The following A1CF variants were observed in gnomAD, a reference collection of about 807,000 sequenced individuals.
A1CF encodes APOBEC1 complementation factor, also known as APOBEC-1 stimulating protein.
A1CF carries 48 observed loss-of-function variants against 68.9 expected under a neutral mutation model. The ratio of observed to expected loss-of-function variants is 0.70; its 90% CI spans 0.55 to 0.89. The LOEUF is 0.89. Ranked by LOEUF, A1CF falls within the 40% of genes least tolerant of loss-of-function variation. A1CF has a pLI of 0.00. For missense variants in A1CF, 653 were observed against 718.9 expected (o/e 0.91, Z 1.05); for synonymous variants, 272 against 260.4 (o/e 1.04, Z -0.43).
intron 3 of A1CF, among the ~76,000 whole-genome samples, chr10:50,852,243 A>G (rs1475334839): frequency 2.0e-5 from 3 of 152,182 alleles, no homozygotes; most frequent in African/African-American, 7.2e-5. Context: ...TATAGTCAAC[A>G]CCCTATGAGG....
intron 3 of A1CF, among the ~76,000 whole-genome samples, chr10:50,844,693 T>C (rs1403841337): frequency 6.6e-6 from 1 of 152,166 alleles, no homozygotes; most frequent in Admixed American, 6.6e-5. Context: ...TATAAAATGA[T>C]ACAAGTTGTG....
rs1269361095 is a variant in A1CF at position 50,811,766 on chromosome 10, T to G, written c.1324-590A>C. Among the ~76,000 whole-genome samples the G allele has an allele frequency of 3.3e-5, 5 of 152,224 alleles. 1 individual carries two copies. The South Asian group carries it at 6.2e-4, about 19-fold the overall frequency. On this transcript the variant is annotated intron_variant, in intron 10 of 12. Transcript: ENST00000373997. ...GCCTTTTTTGTTTGTTTGTTTGTTT[T>G]TTTGCTTAATGACAATATGCTTTTT...
At position 50,811,076 on chromosome 10, in the gene A1CF, A is replaced by C; in HGVS notation, c.1424T>G (p.Ile475Arg). 1 of 1,613,600 alleles carries C rather than the reference A, an allele frequency of 6.2e-7. No individual in the cohort carries two copies. The highest frequency in any genetic ancestry group is 8.5e-7 in the Non-Finnish European group (1 of 1,179,692). The change falls in exon 11 of 13, where the codon ATA becomes AGA. Residue 475 changes from isoleucine to arginine, a missense_variant. By Grantham distance (97) the Ile-to-Arg change is moderately conservative. Coordinates refer to ENST00000373997, the MANE Select transcript of A1CF (RefSeq NM_014576.4). ...CTGGCTGGCTAGAGCAGGAATAGTTATTTTGTACAAGAATAGCTGTCTTTG... is the reference window on the plus strand; with the variant it reads ...CTGGCTGGCTAGAGCAGGAATAGTTCTTTTGTACAAGAATAGCTGTCTTTG... ...QDQRQLFLYKITIPALASQNP... is the reference protein window; with the variant it reads ...QDQRQLFLYKRTIPALASQNP...
At position 50,803,617 on chromosome 10, in the gene A1CF, A is replaced by G. The variant is rs982696931; in HGVS notation, c.*3112T>C. 2 of 152,212 alleles carry G rather than the reference A, an allele frequency of 1.3e-5. No individual in the cohort carries two copies. Among genetic ancestry groups the G allele is most frequent in the Non-Finnish European group, 1.5e-5 (1 of 68,036 alleles). 9.4% of individuals were successfully genotyped at this position (152,212 alleles called of 1,614,324 possible). On this transcript the variant is annotated 3_prime_UTR_variant, in exon 13 of 13. Transcript: ENST00000373997. ...CAATTTGAGAAGAGGCAGCACTTTT[A>G]TAGGAAAGAAAATAGATACCCAATC... is the stretch of plus-strand genomic sequence containing the variant.
chr10:50,818,226 A>C (rs1838464440), intron 8 of A1CF, among the ~76,000 whole-genome samples: 1 of 152,162 alleles, frequency 6.6e-6, no homozygotes, highest in Non-Finnish European at 1.5e-5. Flanking sequence ...ACCTGTATTA[A>C]AAAGTCAGTT....
chr10:50,859,979 T>G lies in A1CF; in HGVS notation c.-39A>C. On this transcript the variant is annotated 5_prime_UTR_variant, in exon 3 of 13. Coordinates refer to ENST00000373997, the MANE Select transcript of A1CF (RefSeq NM_014576.4). ...CAGCAAAAAATCAGGTTAATTAGGG[T>G]TGCTCACTGAAACCAAATTTAAGAT... 6.4e-7 allele frequency: 1 copy of G among 1,565,330 alleles called. No individual in the cohort carries two copies.
intron 7 of A1CF, among the ~76,000 whole-genome samples, chr10:50,826,581 T>G (rs1022846010): frequency 6.6e-6 from 1 of 152,134 alleles, no homozygotes; most frequent in South Asian, 2.1e-4. Flanking sequence ...AAGCAAATTC[T>G]GAGAGATTTT....
rs569231916 is a variant in A1CF at position 50,823,268 on chromosome 10, G to A, written c.770-2619C>T. On this transcript the variant is annotated intron_variant, in intron 7 of 12. Transcript: ENST00000373997. Reference sequence around the variant, plus strand: ...TTCTCTACAATAGTATTCACCACATGGCTTATTTTATTATGTTTCTTCTTT... The same window carrying A: ...TTCTCTACAATAGTATTCACCACATAGCTTATTTTATTATGTTTCTTCTTT... Among the ~76,000 whole-genome samples the A allele has an allele frequency of 7.2e-5, 11 of 152,140 alleles. No individual in the cohort carries two copies. In the South Asian group the frequency reaches 2.3e-3, roughly 32 times the overall value.
chr10:50,868,498 A>T (rs1841098597), intron 1 of A1CF, among the ~76,000 whole-genome samples: 1 of 152,216 alleles, frequency 6.6e-6, no homozygotes, highest in Non-Finnish European at 1.5e-5. Flanking sequence ...AGCCATGAAG[A>T]CATCACAAAA....
At chr10:50,861,279 TAA>T (rs1209231857) in intron 2 of A1CF, among the ~76,000 whole-genome samples, 2 of 150,930 alleles carry the variant, frequency 1.3e-5, no homozygotes, top group South Asian at 2.1e-4. Context: ...GCAATATTAC[TAA>T]GACTACCTAC....
chr10:50,883,632 G>C (rs1015853702), intron 1 of A1CF, among the ~76,000 whole-genome samples: 1 of 152,178 alleles, frequency 6.6e-6, no homozygotes, highest in Non-Finnish European at 1.5e-5. Flanking sequence ...TCTGTATTCT[G>C]AGAAATGCCA....
At chr10:50,858,227 A>C (rs999148955) in intron 3 of A1CF, among the ~76,000 whole-genome samples, 1 of 152,184 alleles carries the variant, frequency 6.6e-6, no homozygotes, top group African/African-American at 2.4e-5. Flanking sequence ...TCAATATGAA[A>C]AAAATATCAA....
At chr10:50,810,580 TTCTCCTGCC>T (rs1200613528) in intron 11 of A1CF, among the ~76,000 whole-genome samples, 3 of 152,112 alleles carry the variant, frequency 2.0e-5, no homozygotes, top group Non-Finnish European at 4.4e-5. Flanking sequence ...GTTCAAGTGA[TTCTCCTGCC>T]TCAGCCTGCT....
rs781503626 is a variant in A1CF at position 50,844,073 on chromosome 10, G to GC, written c.148dup (p.Ala50GlyfsTer4). The GC allele has an allele frequency of 2.5e-6, 4 of 1,613,468 alleles. No homozygotes were observed. Among genetic ancestry groups the GC allele is most frequent in the Non-Finnish European group, 3.4e-6 (4 of 1,179,766 alleles). ...AATTTCACAGCCCCTTTCAGGGGGT[G>GC]CAGCATCCCAACCAGGTGGAGGGCC... is the stretch of plus-strand genomic sequence containing the variant. On this transcript the variant is annotated frameshift_variant, in exon 4 of 13. Coordinates refer to ENST00000373997, the MANE Select transcript of A1CF (RefSeq NM_014576.4). LOFTEE classifies it high-confidence loss of function.
chr10:50,868,816 C>G (rs899722033), intron 1 of A1CF, among the ~76,000 whole-genome samples: 2 of 152,144 alleles, frequency 1.3e-5, no homozygotes, highest in Non-Finnish European at 2.9e-5. Context: ...AGCAAACTTA[C>G]ACAGGGACAG....
intron 1 of A1CF, among the ~76,000 whole-genome samples, chr10:50,882,568 G>GATC (rs1198135699): frequency 3.3e-5 from 5 of 152,128 alleles, no homozygotes; most frequent in African/African-American, 1.2e-4. Flanking sequence ...GATTTTACAG[G>GATC]ATCAGGCCAA....
chr10:50,853,438 T>C (rs1400517978), intron 3 of A1CF, among the ~76,000 whole-genome samples: 1 of 152,166 alleles, frequency 6.6e-6, no homozygotes, highest in East Asian at 1.9e-4. Flanking sequence ...GCCTGGTTTA[T>C]CACATTCTTG....
intron 3 of A1CF, among the ~76,000 whole-genome samples, chr10:50,849,387 A>AT (rs770683781): frequency 2.0e-5 from 3 of 152,142 alleles, no homozygotes; most frequent in Non-Finnish European, 4.4e-5. Context: ...TCTATTGGCT[A>AT]TTTTTCTACA....
rs1837770048 is a variant in A1CF, at chr10:50,805,328, G to A, written c.*1401C>T. 1 of 152,168 alleles carries A rather than the reference G, an allele frequency of 6.6e-6. No individual in the cohort carries two copies. The highest frequency in any genetic ancestry group is 1.5e-5 in the Non-Finnish European group (1 of 68,028). 9.4% of individuals were successfully genotyped at this position (152,168 alleles called of 1,614,324 possible). A position where few individuals can be genotyped will look rare whatever the true frequency, so the allele number is the denominator to read the frequency against. On this transcript the variant is annotated 3_prime_UTR_variant, in exon 13 of 13. Transcript: ENST00000373997. Reference sequence around the variant, plus strand: ...AATGAGATTGATGTAGGAGTAACAGGTATTTGGTGTTGGACTTAAGATTAT... The same window carrying A: ...AATGAGATTGATGTAGGAGTAACAGATATTTGGTGTTGGACTTAAGATTAT...
Sources: gnomAD v4.1 joint callset for allele counts (sites outside exome capture counted in the v4.1 genomes callset) on GRCh38, gnomAD v4.1.1 for gene constraint, MANE v1.5 for transcripts, NCBI Gene and HGNC (gene_info 2026-07-23, HGNC 2026-07-21) for gene names.